The following CNTN5 variants were observed in gnomAD, a reference collection of about 807,000 sequenced individuals.
CNTN5 encodes the protein contactin 5, also known as contactin-5.
A neutral mutation model predicts 129.1 loss-of-function variants in CNTN5; 77 were observed. The ratio of observed to expected loss-of-function variants is 0.60; its 90% confidence interval spans 0.50 to 0.72. The LOEUF (loss-of-function observed/expected upper bound fraction) is 0.72, where lower values mean the gene tolerates loss of function less well. Among genes scored for constraint, CNTN5 ranks in the 30% least tolerant of loss-of-function variants. The pLI, the probability that CNTN5 is intolerant of heterozygous loss-of-function variation, is 0.00. For missense variants in CNTN5, 1,478 were observed against 1,328.8 expected (o/e 1.11, Z -1.75); for synonymous variants, 509 against 465.6 (o/e 1.09, Z -1.20).
At chr11:99,337,197 C>T (rs1394546785) in intron 2 of CNTN5, among the ~76,000 whole-genome samples, 1 of 152,064 alleles carries the variant, frequency 6.6e-6, no homozygotes, top group Non-Finnish European at 1.5e-5. Context: ...CATGTTGTAG[C>T]TGTGGAATTT....
intron 2 of CNTN5, among the ~76,000 whole-genome samples, chr11:99,443,509 C>G (rs982913606): frequency 6.6e-6 from 1 of 152,108 alleles, no homozygotes; most frequent in African/African-American, 2.4e-5. Flanking sequence ...ACAGTCCAAA[C>G]CAGAACGCCA....
chr11:99,137,464 A>G (rs1859287194), intron 1 of CNTN5, among the ~76,000 whole-genome samples: 1 of 152,100 alleles, frequency 6.6e-6, no homozygotes, highest in South Asian at 2.1e-4. Context: ...TTTCCATGTC[A>G]CGAAGGTAAG....
At chr11:99,655,829 G>T (rs1565394908) in intron 3 of CNTN5, among the ~76,000 whole-genome samples, 1 of 151,846 alleles carries the variant, frequency 6.6e-6, no homozygotes, top group African/African-American at 2.4e-5. Flanking sequence ...AGGATGTAAA[G>T]ACAGGAATAA....
intron 6 of CNTN5, among the ~76,000 whole-genome samples, chr11:99,904,291 C>A (rs985951374): frequency 6.6e-6 from 1 of 152,030 alleles, no homozygotes; most frequent in South Asian, 2.1e-4. Context: ...CACCCAACCC[C>A]CCTCCCCAAG....
chr11:100,257,325 G>C (rs562449055), intron 17 of CNTN5, among the ~76,000 whole-genome samples: 55 of 152,286 alleles, frequency 3.6e-4, no homozygotes, highest in African/African-American at 1.3e-3. Flanking sequence ...CCCTGGGACA[G>C]AGCACCAGGG....
chr11:99,279,227 T>C (rs1863585672), intron 1 of CNTN5, among the ~76,000 whole-genome samples: 2 of 151,794 alleles, frequency 1.3e-5, no homozygotes, highest in African/African-American at 2.4e-5. Flanking sequence ...GGTGTTTCTA[T>C]TGTTACTGAA....
At chr11:99,479,246 G>A (rs1422950179) in intron 2 of CNTN5, among the ~76,000 whole-genome samples, 3 of 147,640 alleles carry the variant, frequency 2.0e-5, no homozygotes, top group Non-Finnish European at 3.0e-5. Flanking sequence ...TAATCTATCA[G>A]GTTCAGAATG....
At chr11:100,191,281 A>C (rs758532305) in intron 14 of CNTN5, 28 bp downstream of exon 14, 1 of 1,595,796 alleles carries the variant, frequency 6.3e-7, no homozygotes, top group East Asian at 2.2e-5. Flanking sequence ...AATGTTTTAC[A>C]AGCATAGTCT....
rs1239118137 is a variant in CNTN5, at chr11:99,898,097, G to A, written c.578-17957G>A. Among the ~76,000 whole-genome samples the A allele has an allele frequency of 3.3e-5, 5 of 151,962 alleles. No homozygotes were observed. The South Asian group carries it at 8.3e-4, about 25-fold the overall frequency. On this transcript the variant is annotated intron_variant, in intron 6 of 24. Transcript: ENST00000524871. ...GGCATTGCTAAGAGGAAATTTTATA[G>A]CATTAAATGCCTACATAAAAAATAG...
chr11:100,331,733 T>C (rs749507569), intron 21 of CNTN5, among the ~76,000 whole-genome samples: 9 of 152,106 alleles, frequency 5.9e-5, no homozygotes, highest in African/African-American at 9.6e-5. Context: ...TCCTGAATGA[T>C]TGCTGGCTCA....
At chr11:99,318,574 C>T (rs990326679) in intron 1 of CNTN5, among the ~76,000 whole-genome samples, 11 of 151,920 alleles carry the variant, frequency 7.2e-5, no homozygotes, top group South Asian at 4.2e-4. Flanking sequence ...ACTCTCCAAT[C>T]GGCAATGGCA....
chr11:99,160,754 G>C (rs529884115), intron 1 of CNTN5, among the ~76,000 whole-genome samples: 4 of 152,214 alleles, frequency 2.6e-5, no homozygotes, highest in African/African-American at 9.6e-5. Context: ...AGATGAGTAA[G>C]ACACAGAATT....
At chr11:99,882,576 TG>T (rs751845064) in intron 6 of CNTN5, among the ~76,000 whole-genome samples, 12 of 152,268 alleles carry the variant, frequency 7.9e-5, no homozygotes, top group Non-Finnish European at 1.6e-4. Context: ...ATTTAATTTT[TG>T]TGGGTACATA....
intron 16 of CNTN5, among the ~76,000 whole-genome samples, chr11:100,232,307 C>T (rs1949507272): frequency 6.6e-6 from 1 of 151,838 alleles, no homozygotes; most frequent in African/African-American, 2.4e-5. Context: ...GTGTGAAAAC[C>T]CAAGTAAATA....
chr11:99,566,362 A>G (rs11220470), intron 3 of CNTN5, among the ~76,000 whole-genome samples: 10,154 of 152,206 alleles, frequency 0.067, 661 homozygotes, highest in East Asian at 0.28. Context: ...CTGTGAGCCA[A>G]TTAAGCCTCT....
intron 12 of CNTN5, among the ~76,000 whole-genome samples, chr11:100,072,047 C>T (rs1024404446): frequency 6.6e-6 from 1 of 151,852 alleles, no homozygotes; most frequent in African/African-American, 2.4e-5. Flanking sequence ...TATAGTTTTT[C>T]TAACTTTAGT....
At chr11:99,914,608 A>G (rs1457002881) in intron 6 of CNTN5, among the ~76,000 whole-genome samples, 3 of 152,104 alleles carry the variant, frequency 2.0e-5, no homozygotes, top group Admixed American at 1.3e-4. Context: ...TAAAGTAACA[A>G]TCCCCCAGAA....
intron 17 of CNTN5, among the ~76,000 whole-genome samples, chr11:100,258,248 A>G (rs577933132): frequency 6.6e-6 from 1 of 152,202 alleles, no homozygotes. Context: ...AAAAAGAATG[A>G]AAAGGAACAA....
At chr11:100,237,048 G>T (rs370898939) in intron 16 of CNTN5, among the ~76,000 whole-genome samples, 3 of 151,954 alleles carry the variant, frequency 2.0e-5, no homozygotes, top group Non-Finnish European at 2.9e-5. Flanking sequence ...AATTAGCCAG[G>T]TGTGGTGGTG....
Sources: allele counts gnomAD v4.1 joint callset (sites outside exome capture counted in the v4.1 genomes callset), GRCh38; gene constraint gnomAD v4.1.1; transcripts MANE v1.5; gene names NCBI Gene and HGNC (gene_info 2026-07-23, HGNC 2026-07-21).